The following PALM2AKAP2 variants were observed in gnomAD, a reference collection of about 807,000 sequenced individuals.
PALM2AKAP2 encodes PALM2-AKAP2 fusion protein.
In PALM2AKAP2, 37 loss-of-function variants were observed where a neutral mutation model predicts 71.5. That is an observed-to-expected ratio of 0.52 (90% confidence interval 0.40 to 0.68). The LOEUF (loss-of-function observed/expected upper bound fraction) is 0.68. Ranked by LOEUF, PALM2AKAP2 falls within the 30% of genes least tolerant of loss-of-function variation. The pLI, the probability that PALM2AKAP2 is intolerant of heterozygous loss-of-function variation, is 0.00. For synonymous variants in PALM2AKAP2, 468 were observed against 478.8 expected, an observed-to-expected ratio of 0.98 and a Z score of 0.29; for missense variants, 1,224 against 1,191.8, an observed-to-expected ratio of 1.03 and a Z score of -0.40.
chr9:109,795,003 G>A (rs1827213117), intron 1 of PALM2AKAP2, among the ~76,000 whole-genome samples: 1 of 152,170 alleles, frequency 6.6e-6, no homozygotes, highest in Non-Finnish European at 1.5e-5. Flanking sequence ...CTCTAGATGG[G>A]CTACTTCTGA....
intron 4 of PALM2AKAP2, 73 bp from the exon 5 acceptor site, chr9:109,924,988 T>C (rs1830919427): frequency 3.7e-6 from 6 of 1,609,120 alleles, no homozygotes; most frequent in Non-Finnish European, 4.3e-6. Flanking sequence ...GGGTTAAGTC[T>C]TTAAAGATGG....
chr9:109,872,043 C>G (rs1175237274), intron 2 of PALM2AKAP2, among the ~76,000 whole-genome samples: 2 of 152,100 alleles, frequency 1.3e-5, no homozygotes, highest in African/African-American at 4.8e-5. Context: ...TCTTTATCAC[C>G]TACATATTTC....
intron 7 of PALM2AKAP2, among the ~76,000 whole-genome samples, chr9:110,042,256 G>T (rs1264154685): frequency 6.6e-6 from 1 of 152,098 alleles, no homozygotes; most frequent in Non-Finnish European, 1.5e-5. Context: ...GAGAAACCCG[G>T]TCTCTACTAA....
At chr9:110,154,149 C>T (rs1836390971) in intron 2 of PALM2AKAP2, among the ~76,000 whole-genome samples, 1 of 152,212 alleles carries the variant, frequency 6.6e-6, no homozygotes, top group Admixed American at 6.5e-5. Context: ...TAGCTAGAAT[C>T]ATTAGATGCT....
chr9:109,983,334 A>G (rs763910415), intron 6 of PALM2AKAP2, among the ~76,000 whole-genome samples: 2 of 151,950 alleles, frequency 1.3e-5, no homozygotes, highest in African/African-American at 4.8e-5. Flanking sequence ...CTTCTCTTCT[A>G]CCATCCCTTT....
chr9:110,044,808 G>A (rs1833570726), upstream of PALM2AKAP2, among the ~76,000 whole-genome samples: 1 of 151,928 alleles, frequency 6.6e-6, no homozygotes, highest in Non-Finnish European at 1.5e-5. Flanking sequence ...ATGATGCACT[G>A]TCTTGCCCCC....
intron 1 of PALM2AKAP2, among the ~76,000 whole-genome samples, chr9:109,854,974 T>C (rs1203948514): frequency 6.6e-6 from 1 of 151,910 alleles, no homozygotes; most frequent in Non-Finnish European, 1.5e-5. Context: ...TTTCACAGGT[T>C]GGTAAGGATG....
chr9:109,651,170 A>G (rs1827220568), intron 1 of PALM2AKAP2, among the ~76,000 whole-genome samples: 1 of 152,152 alleles, frequency 6.6e-6, no homozygotes, highest in Non-Finnish European at 1.5e-5. Context: ...GAGTTGGCTC[A>G]ATGGAAGGCA....
chr9:110,149,852 T>A (rs1836267422), intron 2 of PALM2AKAP2, among the ~76,000 whole-genome samples: 1 of 152,220 alleles, frequency 6.6e-6, no homozygotes, highest in Admixed American at 6.5e-5. Flanking sequence ...CTGAAATTCA[T>A]CTGCTATGGA....
At chr9:110,071,340 G>T (rs1359208291) in intron 1 of PALM2AKAP2, among the ~76,000 whole-genome samples, 1 of 152,158 alleles carries the variant, frequency 6.6e-6, no homozygotes, top group African/African-American at 2.4e-5. Flanking sequence ...TCTTATGGTT[G>T]CTTTAGCGAG....
At chr9:110,041,101 T>G (rs1358237636) in intron 7 of PALM2AKAP2, among the ~76,000 whole-genome samples, 1 of 152,166 alleles carries the variant, frequency 6.6e-6, no homozygotes, top group Non-Finnish European at 1.5e-5. Flanking sequence ...TACATTCATG[T>G]CATTATTCCA....
In PALM2AKAP2 at chr9:109,978,684, T is replaced by C. The variant is rs919464296; in HGVS notation, c.497-37270T>C. On this transcript the variant is annotated intron_variant, in intron 6 of 9. Coordinates refer to the PALM2AKAP2 transcript ENST00000302798. Reference sequence around the variant, plus strand: ...GTCCCCTCACTGTGGCTTTCTATTTTCTCACTCTGGGTCTGTAAGTGGAGA... The same window carrying C: ...GTCCCCTCACTGTGGCTTTCTATTTCCTCACTCTGGGTCTGTAAGTGGAGA... 1.1e-4 allele frequency among the ~76,000 whole-genome samples: 16 copies of C among 152,232 alleles called. No individual in the cohort carries two copies. The East Asian group carries it at 3.1e-3, about 29-fold the overall frequency.
At chr9:109,919,707 A>ATG (rs1324069653) in intron 3 of PALM2AKAP2, among the ~76,000 whole-genome samples, 2 of 144,242 alleles carry the variant, frequency 1.4e-5, no homozygotes, top group Admixed American at 7.1e-5. Flanking sequence ...TATTAGTAGG[A>ATG]TGTATATATA....
chr9:109,917,257 G>C (rs539640000), intron 3 of PALM2AKAP2, among the ~76,000 whole-genome samples: 1 of 152,318 alleles, frequency 6.6e-6, no homozygotes, highest in African/African-American at 2.4e-5. Context: ...AGAGCCTGCA[G>C]AAGGGAACAC....
intron 3 of PALM2AKAP2, among the ~76,000 whole-genome samples, chr9:109,882,724 C>T (rs1446040044): frequency 3.3e-5 from 5 of 151,968 alleles, no homozygotes; most frequent in South Asian, 2.1e-4. Context: ...CTCACTGCAG[C>T]GTCAAACTTC....
At chr9:109,691,917 T>C (rs1301201278) in intron 1 of PALM2AKAP2, among the ~76,000 whole-genome samples, 20 of 124,770 alleles carry the variant, frequency 1.6e-4, no homozygotes, top group African/African-American at 6.3e-4. Flanking sequence ...CACACATATA[T>C]ATATATACAC....
chr9:109,718,457 G>A (rs1303126571), intron 1 of PALM2AKAP2, among the ~76,000 whole-genome samples: 3 of 152,102 alleles, frequency 2.0e-5, no homozygotes, highest in African/African-American at 4.8e-5. Flanking sequence ...TTCCTTACTT[G>A]TTTACTTTGC....
intron 3 of PALM2AKAP2, among the ~76,000 whole-genome samples, chr9:109,889,204 G>T (rs982239650): frequency 1.3e-5 from 2 of 152,196 alleles, no homozygotes; most frequent in African/African-American, 4.8e-5. Context: ...AAAAGAAATA[G>T]TTGCTTTTTT....
intron 1 of PALM2AKAP2, among the ~76,000 whole-genome samples, chr9:110,065,634 C>A (rs1288238860): frequency 6.6e-6 from 1 of 152,184 alleles, no homozygotes; most frequent in Non-Finnish European, 1.5e-5. Flanking sequence ...GTGCAACCGT[C>A]CCCACCATCC....
Sources: allele counts gnomAD v4.1 joint callset (sites outside exome capture counted in the v4.1 genomes callset), GRCh38; gene constraint gnomAD v4.1.1; transcripts MANE v1.5; gene names NCBI Gene and HGNC (gene_info 2026-07-23, HGNC 2026-07-21).